UBAP2: variants seen among roughly 807,000 people sequenced by gnomAD.
UBAP2 encodes ubiquitin-associated protein 2.
A neutral mutation model predicts 139.6 loss-of-function variants in UBAP2; 75 were observed. The observed-to-expected ratio is 0.54, with a 90% confidence interval of 0.45 to 0.65. The LOEUF is 0.65. Ranked by LOEUF, UBAP2 falls within the 30% of genes least tolerant of loss-of-function variation. UBAP2 has a pLI of 0.00. For missense variants in UBAP2, 1,368 were observed against 1,369.6 expected (o/e 1.00, Z 0.02); for synonymous variants, 526 against 526.2 (o/e 1.00, Z 0.01).
intron 4 of UBAP2, among the ~76,000 whole-genome samples, chr9:33,989,768 A>C (rs907729104): frequency 3.3e-5 from 5 of 152,152 alleles, no homozygotes; most frequent in African/African-American, 1.2e-4. Flanking sequence ...TTACCTCTCT[A>C]TTAGGCCTTA....
intron 19 of UBAP2, among the ~76,000 whole-genome samples, chr9:33,931,731 T>C (rs1471229112): frequency 6.6e-6 from 1 of 152,206 alleles, no homozygotes; most frequent in Non-Finnish European, 1.5e-5. Context: ...CACCTCACTC[T>C]GCTGGTGAGC....
At position 33,993,875 on chromosome 9, in the gene UBAP2, T is replaced by C. The variant is rs554398253; in HGVS notation, c.288+2348A>G. On this transcript the variant is annotated intron_variant, in intron 4 of 28. Transcript: ENST00000379238. ...GAGGTAACCAAAGAGGTGTTCTTCATGAAAAGTTCAGCTTTGCTTTCTTTT... is the reference window on the plus strand; with the variant it reads ...GAGGTAACCAAAGAGGTGTTCTTCACGAAAAGTTCAGCTTTGCTTTCTTTT... 2.0e-5 allele frequency among the ~76,000 whole-genome samples: 3 copies of C among 150,046 alleles called. No homozygotes were observed. The South Asian group carries it at 6.3e-4, about 32-fold the overall frequency.
intron 2 of UBAP2, among the ~76,000 whole-genome samples, chr9:34,010,417 C>T (rs1172605152): frequency 9.6e-6 from 1 of 104,158 alleles, no homozygotes; most frequent in Admixed American, 1.3e-4. Context: ...AGGGCAGAAA[C>T]TCTGCCTCAT....
At chr9:33,989,202 T>TA in intron 4 of UBAP2, 76 bp from the exon 5 acceptor site, 13 of 1,346,664 alleles carry the variant, frequency 9.7e-6, no homozygotes, top group African/African-American at 1.6e-5. Flanking sequence ...CATGTATCTT[T>TA]CTTTTTTTTT....
intron 6 of UBAP2, among the ~76,000 whole-genome samples, chr9:33,977,006 G>A (rs1820186586): frequency 6.8e-6 from 1 of 146,846 alleles, no homozygotes; most frequent in Admixed American, 7.0e-5. Flanking sequence ...AGTAAGACTC[G>A]GTCTTGGAAA....
intron 8 of UBAP2, among the ~76,000 whole-genome samples, chr9:33,967,040 TC>T (rs1228140569): frequency 6.6e-6 from 1 of 152,196 alleles, no homozygotes; most frequent in Non-Finnish European, 1.5e-5. Context: ...TTTATTGTCT[TC>T]TTTATTTTCT....
intron 2 of UBAP2, among the ~76,000 whole-genome samples, chr9:34,005,327 T>A (rs1355182601): frequency 2.0e-5 from 3 of 147,950 alleles, no homozygotes; most frequent in Non-Finnish European, 1.5e-5. Flanking sequence ...CTCAGCTACC[T>A]GGAAGGCTGA....
intron 19 of UBAP2, chr9:33,928,331 TA>T (rs1823659304): frequency 3.8e-6 from 1 of 262,484 alleles, no homozygotes; most frequent in Non-Finnish European, 7.2e-6. Context: ...CTTCGGATCA[TA>T]AATGAACACA....
At chr9:33,973,561 A>T (rs1475719229) in intron 6 of UBAP2, among the ~76,000 whole-genome samples, 2 of 152,234 alleles carry the variant, frequency 1.3e-5, no homozygotes, top group African/African-American at 4.8e-5. Context: ...ATTATAAGCC[A>T]CTACTATAAA....
At chr9:34,016,346 A>C (rs1824316127) in intron 2 of UBAP2, among the ~76,000 whole-genome samples, 1 of 103,886 alleles carries the variant, frequency 9.6e-6, no homozygotes, top group Non-Finnish European at 1.9e-5. Context: ...GAGGAAGAGG[A>C]GGAGGCAGCA....
At chr9:34,031,635 C>T (rs1448185515) in intron 1 of UBAP2, among the ~76,000 whole-genome samples, 2 of 151,796 alleles carry the variant, frequency 1.3e-5, no homozygotes, top group African/African-American at 2.4e-5. Flanking sequence ...TAAATTCAAG[C>T]GATTATCCTG....
rs1463059777 is a variant in UBAP2 at position 33,921,732 on chromosome 9, G to GA, written c.*771dup. 1 of 152,656 alleles carries GA rather than the reference G, an allele frequency of 6.6e-6. No homozygotes were observed. The highest frequency in any genetic ancestry group is 2.4e-5 in the African/African-American group (1 of 41,458). The allele number at this position is 152,656 out of a possible 1,614,324, so 9.5% of individuals were successfully genotyped here. A position where few individuals can be genotyped will look rare whatever the true frequency, so the allele number is the denominator to read the frequency against. On this transcript the variant is annotated 3_prime_UTR_variant, in exon 29 of 29. Coordinates refer to ENST00000379238, the MANE Select transcript of UBAP2 (RefSeq NM_001370062.2). The stretch of plus-strand genomic sequence containing the variant: ...TTTATTAGGTGGGGATTGGGCAAGA[G>GA]AAAACCCCTGAAACAGTTGCCCACG...
chr9:33,953,033 C>G (rs1014572150), intron 12 of UBAP2, among the ~76,000 whole-genome samples: 2 of 152,084 alleles, frequency 1.3e-5, no homozygotes, highest in Non-Finnish European at 2.9e-5. Flanking sequence ...CCACACTCAG[C>G]TAATTTTTGT....
chr9:33,931,218 T>C (rs2130878503), intron 19 of UBAP2, among the ~76,000 whole-genome samples: 1 of 152,332 alleles, frequency 6.6e-6, no homozygotes, highest in East Asian at 1.9e-4. Context: ...ATAGGTGGGT[T>C]CCACAGGGGC....
intron 6 of UBAP2, among the ~76,000 whole-genome samples, chr9:33,982,242 T>G (rs1439284962): frequency 2.6e-5 from 4 of 152,148 alleles, no homozygotes; most frequent in Admixed American, 6.5e-5. Flanking sequence ...TAATTCCGCT[T>G]CAACCCAAAT....
chr9:33,923,743 C>A, intron 24 of UBAP2, 52 bp downstream of exon 24: 1 of 1,587,924 alleles, frequency 6.3e-7, no homozygotes, highest in Non-Finnish European at 8.6e-7. Context: ...AGGTTTCCAC[C>A]TGCCAGCAAC....
In UBAP2 at chr9:34,036,858, G is replaced by A. The variant is rs1014624248; in HGVS notation, c.-42+11967C>T. 2.1e-5 allele frequency among the ~76,000 whole-genome samples: 3 copies of A among 140,046 alleles called. No homozygotes were observed. The South Asian group carries it at 6.8e-4, about 32-fold the overall frequency. The allele number at this position is 140,046 out of a possible 152,430, so 91.9% of individuals were successfully genotyped here. A position where few individuals can be genotyped will look rare whatever the true frequency, so the allele number is the denominator to read the frequency against. On this transcript the variant is annotated intron_variant, in intron 1 of 28. Coordinates refer to ENST00000379238, the MANE Select transcript of UBAP2 (RefSeq NM_001370062.2). ...AGGTCTCATTCTGTCTGCCCAGGCT[G>A]GAGCACAGTGGTGCGATCTCAGGTA...
At chr9:33,955,953 TAA>T (rs1256932816) in intron 11 of UBAP2, 124 bp downstream of exon 11, 7 of 663,730 alleles carry the variant, frequency 1.1e-5, no homozygotes, top group Non-Finnish European at 1.8e-5. Context: ...AGTGGTAAAA[TAA>T]AAGTTAGCCT....
rs1173781682 is a variant in UBAP2, at chr9:33,980,220, C to CTTTTTTTTTTTTT, written c.520+6527_520+6539dup. Among the ~76,000 whole-genome samples the CTTTTTTTTTTTTT allele has an allele frequency of 2.7e-3, 131 of 49,134 alleles. 43 individuals carry two copies. Among genetic ancestry groups the CTTTTTTTTTTTTT allele is most frequent in the South Asian group, 5.0e-3 (5 of 1,002 alleles). 32.2% of individuals were successfully genotyped at this position (49,134 alleles called of 152,430 possible). A position where few individuals can be genotyped will look rare whatever the true frequency, so the allele number is the denominator to read the frequency against. Reference sequence around the variant, plus strand: ...TTAATCCAAATCCTGAGTGTCATTTCTTTTTTTTTTTTTTTTTTTTTTTTT... The same window carrying CTTTTTTTTTTTTT: ...TTAATCCAAATCCTGAGTGTCATTTCTTTTTTTTTTTTTTTTTTTTTTTTTTTTTTTTTTTTTT... On this transcript the variant is annotated intron_variant, in intron 6 of 28. Coordinates refer to ENST00000379238, the MANE Select transcript of UBAP2 (RefSeq NM_001370062.2).
Sources: allele counts gnomAD v4.1 joint callset (sites outside exome capture counted in the v4.1 genomes callset), GRCh38; gene constraint gnomAD v4.1.1; transcripts MANE v1.5; gene names NCBI Gene and HGNC (gene_info 2026-07-23, HGNC 2026-07-21).